The following DLGAP1 variants were observed in gnomAD, a reference collection of about 807,000 sequenced individuals.
DLGAP1 encodes DLG associated protein 1, also known as disks large-associated protein 1.
DLGAP1 carries 11 observed loss-of-function variants against 90.8 expected under a neutral mutation model. The observed-to-expected ratio is 0.12, with a 90% CI of 0.08 to 0.20. DLGAP1 has a LOEUF of 0.20. DLGAP1 is among the 10% of genes least tolerant of loss of function. The pLI, the probability that DLGAP1 is intolerant of heterozygous loss-of-function variation, is 1.00. For synonymous variants in DLGAP1, 558 were observed against 540.7 expected (o/e 1.03, Z -0.44); for missense variants, 1,050 against 1,333.8 (o/e 0.79, Z 3.31).
At chr18:3,728,957 G>C (rs1485068803) in intron 7 of DLGAP1, among the ~76,000 whole-genome samples, 178 bp downstream of exon 7, 1 of 152,186 alleles carries the variant, frequency 6.6e-6, no homozygotes, top group African/African-American at 2.4e-5. Context: ...AGAGGTGTGG[G>C]AGAGTGGCCA....
At chr18:3,797,063 G>A (rs2066026925) in intron 5 of DLGAP1, among the ~76,000 whole-genome samples, 1 of 152,170 alleles carries the variant, frequency 6.6e-6, no homozygotes, top group Non-Finnish European at 1.5e-5. Context: ...GCCAGGCACG[G>A]TGGCTCCTGC....
intron 7 of DLGAP1, among the ~76,000 whole-genome samples, chr18:3,694,797 T>G (rs957763056): frequency 5.3e-5 from 8 of 152,154 alleles, no homozygotes; most frequent in African/African-American, 1.7e-4. Context: ...GTCAGATGGA[T>G]AGATTGCAAA....
chr18:3,619,819 T>G (rs1442155370), intron 7 of DLGAP1, among the ~76,000 whole-genome samples: 1 of 151,306 alleles, frequency 6.6e-6, no homozygotes, highest in African/African-American at 2.4e-5. Flanking sequence ...TGTTTTTTGT[T>G]TTTTGAGATG....
chr18:4,132,179 A>G (rs1006773871), intron 2 of DLGAP1, among the ~76,000 whole-genome samples: 3 of 152,186 alleles, frequency 2.0e-5, no homozygotes, highest in African/African-American at 7.2e-5. Flanking sequence ...TCTGAAAACT[A>G]AAAATGGATG....
At chr18:4,351,022 T>G (rs1440723329) in intron 1 of DLGAP1, among the ~76,000 whole-genome samples, 1 of 152,060 alleles carries the variant, frequency 6.6e-6, no homozygotes, top group East Asian at 1.9e-4. Flanking sequence ...AGGAGTTTAG[T>G]GAAAATGGAG....
intron 1 of DLGAP1, among the ~76,000 whole-genome samples, chr18:4,368,511 C>T (rs1391235329): frequency 6.6e-6 from 1 of 152,078 alleles, no homozygotes; most frequent in Non-Finnish European, 1.5e-5. Flanking sequence ...AGCAGACAGC[C>T]TTCAGACTCA....
intron 2 of DLGAP1, among the ~76,000 whole-genome samples, chr18:4,023,106 A>G (rs753802439): frequency 7.9e-5 from 12 of 152,114 alleles, no homozygotes; most frequent in Admixed American, 7.2e-4. Context: ...GTTTTTGTCA[A>G]TCTGATGATT....
In DLGAP1 at chr18:3,729,323, AACACGGACTCGC is replaced by A; in HGVS notation, c.1391_1402del (p.Cys464_Val467del). On this transcript the variant is annotated inframe_deletion, in exon 7 of 13. Coordinates refer to ENST00000315677, the MANE Select transcript of DLGAP1 (RefSeq NM_004746.4). This position sits in a 1 kb window ranked among gnomAD's most constrained non-coding sequence, Gnocchi z 6.2. ...CACGGCCTGCGACTCCAGCTCGCTG[AACACGGACTCGC>A]ACACGGACTCGAACTGCCCGTTCAC... The A allele has an allele frequency of 1.9e-5, 31 of 1,614,110 alleles. No homozygotes were observed. The highest frequency in any genetic ancestry group is 2.5e-5 in the Non-Finnish European group (29 of 1,179,984).
intron 1 of DLGAP1, among the ~76,000 whole-genome samples, chr18:4,310,790 T>A (rs1265470962): frequency 6.6e-6 from 1 of 152,222 alleles, no homozygotes. Context: ...AACATTATTC[T>A]GTATGCCAAA....
chr18:3,590,729 C>T (rs376127194), intron 7 of DLGAP1, among the ~76,000 whole-genome samples: 7 of 152,110 alleles, frequency 4.6e-5, no homozygotes, highest in Admixed American at 2.0e-4. Context: ...GTGGCACATG[C>T]CTGTAATCCC....
intron 3 of DLGAP1, among the ~76,000 whole-genome samples, chr18:3,952,947 T>A (rs2073018020): frequency 6.6e-6 from 1 of 152,238 alleles, no homozygotes; most frequent in Non-Finnish European, 1.5e-5. Context: ...ATTCATCTGC[T>A]TCTTTTCCTA....
At chr18:4,041,625 T>C (rs142880770) in intron 2 of DLGAP1, among the ~76,000 whole-genome samples, 440 of 152,336 alleles carry the variant, frequency 2.9e-3, no homozygotes, top group African/African-American at 8.8e-3. Flanking sequence ...GGAACTATCT[T>C]GTTCTTCCAC....
At chr18:3,765,458 C>T (rs1377211554) in intron 5 of DLGAP1, among the ~76,000 whole-genome samples, 3 of 150,884 alleles carry the variant, frequency 2.0e-5, no homozygotes, top group African/African-American at 7.3e-5. Flanking sequence ...AAGATTTTTA[C>T]ACTTCATTTA....
chr18:3,785,183 A>G lies in DLGAP1; in HGVS notation c.1172+28876T>C, dbSNP rs183777205. ...GTTGCTGCTGTAACAAATTACCACA[A>G]GCTTAGAGGCTTAGAAAACCCACAG... is the stretch of plus-strand genomic sequence containing the variant. On this transcript the variant is annotated intron_variant, in intron 5 of 12. Coordinates refer to ENST00000315677, the MANE Select transcript of DLGAP1 (RefSeq NM_004746.4). Among the ~76,000 whole-genome samples the G allele has an allele frequency of 6.1e-4, 93 of 152,294 alleles. 2 individuals are homozygous for G. The highest frequency in any genetic ancestry group is 6.0e-3 in the Admixed American group (91 of 15,290).
In DLGAP1 at chr18:3,734,321, T is replaced by C. The variant is rs897331772; in HGVS notation, c.1351-4946A>G. The stretch of plus-strand genomic sequence containing the variant: ...AGGCTGGAGTGCAGTGGTGTCATCA[T>C]AGCTCACTGCAGCCTCAACCTCCTG... On this transcript the variant is annotated intron_variant, in intron 6 of 12. Coordinates refer to ENST00000315677, the MANE Select transcript of DLGAP1 (RefSeq NM_004746.4). 2.0e-5 allele frequency among the ~76,000 whole-genome samples: 3 copies of C among 152,094 alleles called. No individual in the cohort carries two copies. In the South Asian group the frequency reaches 6.2e-4, roughly 32 times the overall value.
Position 4,107,452 on chromosome 18 carries a change from G to A in DLGAP1, c.-159+43728C>T, listed in dbSNP as rs1011990531. On this transcript the variant is annotated intron_variant, in intron 2 of 12. Transcript: ENST00000315677. ...CCCTTTCCCTATCCTGCTTCCCAAT[G>A]TACTTGTTCCCCATGACCCAGAATG... Among the ~76,000 whole-genome samples, 109 of 152,152 alleles carry A rather than the reference G, an allele frequency of 7.2e-4. 1 individual carries two copies. The highest frequency in any genetic ancestry group is 2.5e-3 in the African/African-American group (105 of 41,434).
chr18:4,255,510 A>ATAT (rs11413478), intron 1 of DLGAP1, among the ~76,000 whole-genome samples: 53 of 149,392 alleles, frequency 3.5e-4, no homozygotes, highest in African/African-American at 1.3e-3. Context: ...TGAAAAAAAA[A>ATAT]ATATATATAT....
intron 1 of DLGAP1, among the ~76,000 whole-genome samples, chr18:4,241,239 G>A (rs770556574): frequency 1.3e-5 from 2 of 152,124 alleles, no homozygotes; most frequent in Non-Finnish European, 2.9e-5. Context: ...ATGCCCTGTG[G>A]TTCTTAAAAC....
At chr18:4,245,894 G>A (rs1021901944) in intron 1 of DLGAP1, among the ~76,000 whole-genome samples, 4 of 152,188 alleles carry the variant, frequency 2.6e-5, no homozygotes, top group Non-Finnish European at 5.9e-5. Context: ...ACAGGGCCCC[G>A]ACTCATCTGT....
Sources: gnomAD v4.1 joint callset for allele counts (sites outside exome capture counted in the v4.1 genomes callset) on GRCh38, gnomAD v4.1.1 for gene constraint, Gnocchi (gnomAD v3.1) non-coding constraint, MANE v1.5 for transcripts, NCBI Gene and HGNC (gene_info 2026-07-23, HGNC 2026-07-21) for gene names.